The following CSMD1 variants were observed in gnomAD, a reference collection of about 807,000 sequenced individuals.
CSMD1 encodes the protein CUB and Sushi multiple domains 1, also known as CUB and sushi domain-containing protein 1.
In CSMD1, 213 loss-of-function variants were observed where a neutral mutation model predicts 417.5. That is an observed-to-expected ratio of 0.51 (90% CI 0.46 to 0.57). The LOEUF (loss-of-function observed/expected upper bound fraction) is 0.57, where lower values mean the gene tolerates loss of function less well. Among genes scored for constraint, CSMD1 ranks in the 20% least tolerant of loss-of-function variants. The pLI is 0.00. For missense variants in CSMD1, 6,923 were observed against 4,529.7 expected, an observed-to-expected ratio of 1.53 and a Z score of -15.17; for synonymous variants, 2,862 against 1,736.8, an observed-to-expected ratio of 1.65 and a Z score of -16.11.
intron 2 of CSMD1, among the ~76,000 whole-genome samples, chr8:4,578,153 TA>T (rs1484857571): frequency 6.6e-6 from 1 of 152,014 alleles, no homozygotes; most frequent in Non-Finnish European, 1.5e-5. Flanking sequence ...CACAGGCTGA[TA>T]AAAGAGCATT....
At chr8:3,593,373 A>T (rs186923949) in intron 8 of CSMD1, among the ~76,000 whole-genome samples, 7 of 152,304 alleles carry the variant, frequency 4.6e-5, no homozygotes, top group South Asian at 2.1e-4. Context: ...GGAGCCCGTG[A>T]TGGAGAAGGT....
intron 1 of CSMD1, among the ~76,000 whole-genome samples, chr8:4,781,183 C>T (rs1797134412): frequency 6.6e-6 from 1 of 152,170 alleles, no homozygotes; most frequent in South Asian, 2.1e-4. Flanking sequence ...CTAGCAAATA[C>T]ATCTCCGCAA....
chr8:4,147,167 C>A (rs368261853), intron 3 of CSMD1, among the ~76,000 whole-genome samples: 14 of 152,074 alleles, frequency 9.2e-5, no homozygotes, highest in South Asian at 2.1e-4. Context: ...ACTCTCCCCC[C>A]CTGCCCCCAC....
chr8:3,527,219 G>C (rs552402159), intron 10 of CSMD1, among the ~76,000 whole-genome samples: 1 of 152,160 alleles, frequency 6.6e-6, no homozygotes, highest in African/African-American at 2.4e-5. Context: ...CCACTACTCA[G>C]AACCAAATGT....
At chr8:3,250,378 G>C (rs999992995) in intron 26 of CSMD1, among the ~76,000 whole-genome samples, 2 of 152,164 alleles carry the variant, frequency 1.3e-5, no homozygotes, top group Non-Finnish European at 2.9e-5. Context: ...TCCCTACAAA[G>C]GACATGAACT....
chr8:4,948,761 T>C (rs1808538595), intron 1 of CSMD1, among the ~76,000 whole-genome samples: 1 of 152,156 alleles, frequency 6.6e-6, no homozygotes, highest in South Asian at 2.1e-4. Context: ...TTAGTTTCTT[T>C]CTTTATAACC....
intron 1 of CSMD1, among the ~76,000 whole-genome samples, chr8:4,875,335 G>A (rs999978860): frequency 2.0e-5 from 3 of 152,056 alleles, no homozygotes; most frequent in Non-Finnish European, 4.4e-5. Context: ...ACATGCGACG[G>A]TTATTGAATA....
intron 12 of CSMD1, among the ~76,000 whole-genome samples, chr8:3,468,136 G>T (rs924894682): frequency 2.6e-5 from 4 of 152,134 alleles, no homozygotes; most frequent in African/African-American, 7.2e-5. Flanking sequence ...CCATTTAAAA[G>T]TAATCAATAT....
At chr8:4,818,071 T>C (rs1187938228) in intron 1 of CSMD1, among the ~76,000 whole-genome samples, 1 of 152,142 alleles carries the variant, frequency 6.6e-6, no homozygotes, top group Admixed American at 6.6e-5. Context: ...GGTAACCAAC[T>C]CAGGAGGATG....
At chr8:3,990,475 C>T (rs993495318) in intron 5 of CSMD1, among the ~76,000 whole-genome samples, 2 of 152,074 alleles carry the variant, frequency 1.3e-5, no homozygotes, top group African/African-American at 4.8e-5. Context: ...TTTTCTTCTT[C>T]TCTGTTACTC....
chr8:3,725,570 C>T (rs17067163), intron 6 of CSMD1, among the ~76,000 whole-genome samples: 86 of 152,048 alleles, frequency 5.7e-4, no homozygotes, highest in African/African-American at 2.0e-3. Context: ...TAAGTAGAAA[C>T]AGTTGAGGAG....
intron 5 of CSMD1, among the ~76,000 whole-genome samples, chr8:3,957,739 G>T (rs1012844424): frequency 6.6e-6 from 1 of 151,424 alleles, no homozygotes; most frequent in African/African-American, 2.4e-5. Context: ...AAGAAATGTA[G>T]AAAAGAAAAA....
intron 12 of CSMD1, among the ~76,000 whole-genome samples, chr8:3,467,764 C>G (rs1816865025): frequency 1.3e-5 from 2 of 152,228 alleles, no homozygotes; most frequent in South Asian, 4.1e-4. Context: ...ATGTCCCTTA[C>G]CATGCTTGTT....
At chr8:4,041,289 T>C (rs1271859459) in intron 3 of CSMD1, among the ~76,000 whole-genome samples, 1 of 138,328 alleles carries the variant, frequency 7.2e-6, no homozygotes. Context: ...AGTACGGGGA[T>C]TACATGCGTG....
chr8:2,997,929 T>C (rs1165925495), intron 54 of CSMD1, 82 bp downstream of exon 54: 1 of 1,355,676 alleles, frequency 7.4e-7, no homozygotes, highest in South Asian at 1.4e-5. Flanking sequence ...CCTTGATTCA[T>C]GGAGACAGGC....
chr8:4,241,031 T>C (rs1329723630), intron 3 of CSMD1, among the ~76,000 whole-genome samples: 2 of 152,210 alleles, frequency 1.3e-5, no homozygotes, highest in African/African-American at 2.4e-5. Context: ...ACTAGTGTTA[T>C]TTCTTAGTCT....
At chr8:3,928,201 T>C (rs1408520207) in intron 5 of CSMD1, among the ~76,000 whole-genome samples, 3 of 152,214 alleles carry the variant, frequency 2.0e-5, no homozygotes, top group African/African-American at 7.2e-5. Flanking sequence ...ATGATGTTAA[T>C]GTAATAATAC....
chr8:4,020,252 A>T (rs571663017), intron 4 of CSMD1, among the ~76,000 whole-genome samples: 1 of 152,344 alleles, frequency 6.6e-6, no homozygotes, highest in African/African-American at 2.4e-5. Flanking sequence ...CACAGTGTCC[A>T]ATTGACAGCA....
intron 27 of CSMD1, among the ~76,000 whole-genome samples, 196 bp downstream of exon 27, chr8:3,229,844 A>C (rs1798730474): frequency 6.6e-6 from 1 of 152,218 alleles, no homozygotes; most frequent in Non-Finnish European, 1.5e-5. Context: ...CCTTAAGGGG[A>C]TGACTTCCTT....
Sources: allele counts gnomAD v4.1 joint callset (sites outside exome capture counted in the v4.1 genomes callset), GRCh38; gene constraint gnomAD v4.1.1; transcripts MANE v1.5; gene names NCBI Gene and HGNC (gene_info 2026-07-23, HGNC 2026-07-21).